THSD7B: variants seen among roughly 807,000 people sequenced by gnomAD.
THSD7B encodes thrombospondin type-1 domain-containing protein 7B.
Under a neutral mutation model 213.6 loss-of-function variants are expected in THSD7B, and 138 were observed. That is an observed-to-expected ratio of 0.65 (90% confidence interval 0.56 to 0.74). The LOEUF (loss-of-function observed/expected upper bound fraction) is 0.74, where lower values mean the gene tolerates loss of function less well. THSD7B is among the 30% of genes least tolerant of loss of function. The pLI, the probability that THSD7B is intolerant of heterozygous loss-of-function variation, is 0.00. For synonymous variants in THSD7B, 742 were observed against 687.0 expected, an observed-to-expected ratio of 1.08 and a Z score of -1.25; for missense variants, 1,931 against 1,991.5, an observed-to-expected ratio of 0.97 and a Z score of 0.58.
At chr2:137,529,116 A>T (rs78488679) in intron 15 of THSD7B, among the ~76,000 whole-genome samples, 2,150 of 152,210 alleles carry the variant, frequency 0.014, 50 homozygotes, top group African/African-American at 0.048. Flanking sequence ...TGGAGACAGT[A>T]CTTTCCCTTT....
chr2:137,317,938 G>A (rs1484208884), intron 12 of THSD7B, among the ~76,000 whole-genome samples: 1 of 151,922 alleles, frequency 6.6e-6, no homozygotes, highest in Non-Finnish European at 1.5e-5. Context: ...ATGGGGGAGG[G>A]GGGAAGAAAA....
At position 137,407,777 on chromosome 2, in the gene THSD7B, G is replaced by A. The variant is rs180906284; in HGVS notation, c.2695+1970G>A. 6.1e-3 allele frequency among the ~76,000 whole-genome samples: 929 copies of A among 152,008 alleles called. 13 individuals are homozygous for A. The highest frequency in any genetic ancestry group is 0.022 in the South Asian group (104 of 4,814). On this transcript the variant is annotated intron_variant, in intron 13 of 27. Coordinates refer to ENST00000409968, the MANE Select transcript of THSD7B (RefSeq NM_001316349.2). ...ACTTTCTTTTGTCCATTTGTAACAGGCTTTAATTCACTGAGCGTTCTGTAT... is the reference window on the plus strand; with the variant it reads ...ACTTTCTTTTGTCCATTTGTAACAGACTTTAATTCACTGAGCGTTCTGTAT...
At chr2:137,116,709 A>G (rs1688452387) in intron 5 of THSD7B, among the ~76,000 whole-genome samples, 1 of 152,142 alleles carries the variant, frequency 6.6e-6, no homozygotes, top group South Asian at 2.1e-4. Flanking sequence ...AGCTTTTTGA[A>G]TGGAAACTTA....
intron 14 of THSD7B, among the ~76,000 whole-genome samples, chr2:137,423,481 G>A (rs1329037377): frequency 6.6e-6 from 1 of 151,856 alleles, no homozygotes; most frequent in African/African-American, 2.4e-5. Context: ...GCAGTTGTAG[G>A]TCTATACACT....
chr2:137,002,084 CAT>C (rs1686010419), intron 2 of THSD7B, among the ~76,000 whole-genome samples: 1 of 152,088 alleles, frequency 6.6e-6, no homozygotes, highest in Non-Finnish European at 1.5e-5. Flanking sequence ...TTGCCTTCCG[CAT>C]ATGACTGTTT....
intron 7 of THSD7B, among the ~76,000 whole-genome samples, chr2:137,193,369 G>T (rs771110277): frequency 1.3e-5 from 2 of 152,012 alleles, no homozygotes; most frequent in Non-Finnish European, 2.9e-5. Context: ...AACACAGTGT[G>T]GAATAATTAA....
At chr2:136,892,225 C>T (rs1390623170) in intron 2 of THSD7B, among the ~76,000 whole-genome samples, 2 of 152,026 alleles carry the variant, frequency 1.3e-5, no homozygotes, top group East Asian at 1.9e-4. Flanking sequence ...AATTAAGTCT[C>T]CAAGGAGAGA....
At chr2:137,634,707 G>A (rs2104855311) in intron 20 of THSD7B, among the ~76,000 whole-genome samples, 1 of 152,238 alleles carries the variant, frequency 6.6e-6, no homozygotes, top group Non-Finnish European at 1.5e-5. Context: ...GTCAGAATAG[G>A]GAATTACTGC....
At chr2:136,771,773 A>G (rs1681510037) in intron 1 of THSD7B, among the ~76,000 whole-genome samples, 1 of 152,138 alleles carries the variant, frequency 6.6e-6, no homozygotes, top group Non-Finnish European at 1.5e-5. Context: ...AAGGATTTAA[A>G]TGGTGAAGGG....
chr2:136,870,550 A>C (rs899268167), intron 1 of THSD7B, among the ~76,000 whole-genome samples: 3 of 152,246 alleles, frequency 2.0e-5, no homozygotes, highest in African/African-American at 7.2e-5. Context: ...TGTTACCAAC[A>C]AACAACAAAC....
chr2:137,089,233 G>T (rs1024753686), intron 3 of THSD7B, among the ~76,000 whole-genome samples: 1 of 144,768 alleles, frequency 6.9e-6, no homozygotes, highest in Non-Finnish European at 1.5e-5. Context: ...TCAATGAGTG[G>T]ATAAAGAAAG....
intron 15 of THSD7B, among the ~76,000 whole-genome samples, chr2:137,548,150 C>A (rs549129742): frequency 6.6e-6 from 1 of 152,118 alleles, no homozygotes; most frequent in African/African-American, 2.4e-5. Context: ...CTGCTCTTCT[C>A]ATTAGCAATA....
chr2:137,272,878 G>A (rs147419647), intron 11 of THSD7B, among the ~76,000 whole-genome samples: 9 of 152,056 alleles, frequency 5.9e-5, no homozygotes, highest in South Asian at 2.1e-4. Flanking sequence ...AAGGAAGCAC[G>A]TTTGACTGTA....
At chr2:137,460,198 C>T (rs1470416856) in intron 15 of THSD7B, among the ~76,000 whole-genome samples, 1 of 152,146 alleles carries the variant, frequency 6.6e-6, no homozygotes, top group East Asian at 1.9e-4. Flanking sequence ...GGTTAAGACT[C>T]AATCAGTTCT....
intron 15 of THSD7B, among the ~76,000 whole-genome samples, chr2:137,505,691 C>A (rs1679818012): frequency 6.6e-6 from 1 of 152,162 alleles, no homozygotes; most frequent in Non-Finnish European, 1.5e-5. Flanking sequence ...GTATATATAG[C>A]AAGGCCAACA....
chr2:137,585,930 G>T (rs1681714644), intron 17 of THSD7B, among the ~76,000 whole-genome samples: 1 of 152,188 alleles, frequency 6.6e-6, no homozygotes, highest in South Asian at 2.1e-4. Flanking sequence ...AATGTTGACA[G>T]TGGGATGTTA....
intron 15 of THSD7B, among the ~76,000 whole-genome samples, chr2:137,468,704 T>C (rs1688039381): frequency 6.6e-6 from 1 of 151,898 alleles, no homozygotes; most frequent in Non-Finnish European, 1.5e-5. Flanking sequence ...CTGAGTAAAT[T>C]GAGTCACTGG....
chr2:137,638,870 C>G (rs1483884560), intron 20 of THSD7B, among the ~76,000 whole-genome samples: 1 of 152,104 alleles, frequency 6.6e-6, no homozygotes, highest in Non-Finnish European at 1.5e-5. Flanking sequence ...TTTAGGGTAC[C>G]TGGTGGAAGA....
At chr2:137,067,294 G>A (rs1188283535) in intron 3 of THSD7B, among the ~76,000 whole-genome samples, 1 of 151,984 alleles carries the variant, frequency 6.6e-6, no homozygotes, top group Non-Finnish European at 1.5e-5. Flanking sequence ...ATGGAACGGG[G>A]GTAATTAGAC....
Sources: gnomAD v4.1 joint callset for allele counts (sites outside exome capture counted in the v4.1 genomes callset) on GRCh38, gnomAD v4.1.1 for gene constraint, MANE v1.5 for transcripts, NCBI Gene and HGNC (gene_info 2026-07-23, HGNC 2026-07-21) for gene names.